Variants in ADGRL3 observed in about 807,000 individuals in gnomAD.
The protein encoded by ADGRL3 is calcium-independent alpha-latrotoxin receptor 3.
ADGRL3 carries 62 observed loss-of-function variants against 153.5 expected under a neutral mutation model. The observed-to-expected ratio is 0.40, with a 90% CI of 0.33 to 0.50. The LOEUF (loss-of-function observed/expected upper bound fraction) is 0.50, where lower values mean the gene tolerates loss of function less well. ADGRL3 is among the 20% of genes least tolerant of loss of function. ADGRL3 has a pLI of 0.47. For missense variants in ADGRL3, 1,641 were observed against 1,859.4 expected (o/e 0.88, Z 2.16); for synonymous variants, 710 against 672.5 (o/e 1.06, Z -0.86).
chr4:62,001,666 T>C (rs1581822488), intron 21 of ADGRL3, among the ~76,000 whole-genome samples: 1 of 152,304 alleles, frequency 6.6e-6, no homozygotes, highest in African/African-American at 2.4e-5. Flanking sequence ...AAATCTGGCA[T>C]GTTTTTAAAC....
At chr4:62,006,033 T>TATATATATATATA (rs1491468575) in intron 21 of ADGRL3, among the ~76,000 whole-genome samples, 2 of 43,724 alleles carry the variant, frequency 4.6e-5, no homozygotes, top group African/African-American at 1.5e-4. Flanking sequence ...TATATATATA[T>TATATATATATATA]TTTTTTTTTT....
At chr4:61,847,611 T>TTA (rs199671578) in intron 9 of ADGRL3, among the ~76,000 whole-genome samples, 57 of 55,136 alleles carry the variant, frequency 1.0e-3, no homozygotes, top group African/African-American at 5.1e-3. Context: ...ATATAATATA[T>TTA]TATATATATA....
intron 1 of ADGRL3, among the ~76,000 whole-genome samples, chr4:61,374,599 G>A (rs376672947): frequency 2.0e-5 from 3 of 152,006 alleles, no homozygotes; most frequent in South Asian, 2.1e-4. Context: ...AGCTTCATGC[G>A]ATGCACTACA....
At chr4:61,261,181 ATCT>A (rs76929618) in intron 1 of ADGRL3, among the ~76,000 whole-genome samples, 19,818 of 115,398 alleles carry the variant, frequency 0.17, 1,668 homozygotes, top group East Asian at 0.3. Context: ...GTTCTTTTTC[ATCT>A]TCTTCTTTTT....
At chr4:61,456,396 T>TAGATTAGTGTGA (rs2097744094) in intron 2 of ADGRL3, among the ~76,000 whole-genome samples, 1 of 108,414 alleles carries the variant, frequency 9.2e-6, no homozygotes, top group African/African-American at 3.4e-5. Flanking sequence ...TATAGATATA[T>TAGATTAGTGTGA]CTATATCTAT....
intron 2 of ADGRL3, among the ~76,000 whole-genome samples, chr4:61,493,544 A>C (rs2098279648): frequency 6.6e-6 from 1 of 152,214 alleles, no homozygotes; most frequent in African/African-American, 2.4e-5. Context: ...CAGAGTTAAC[A>C]ATAGCAATAC....
At chr4:61,675,602 A>G (rs928188919) in intron 5 of ADGRL3, among the ~76,000 whole-genome samples, 8 of 150,148 alleles carry the variant, frequency 5.3e-5, no homozygotes, top group African/African-American at 1.9e-4. Context: ...AAAAGTGCCC[A>G]AGTTTGTATT....
At chr4:62,037,948 A>G in intron 24 of ADGRL3, 92 bp downstream of exon 24, 1 of 1,430,246 alleles carries the variant, frequency 7.0e-7, no homozygotes, top group Non-Finnish European at 9.7e-7. Flanking sequence ...CCTGTGTTTA[A>G]CACATCGTTT....
intron 2 of ADGRL3, among the ~76,000 whole-genome samples, chr4:61,436,604 A>G (rs1018794506): frequency 3.0e-4 from 45 of 152,200 alleles, no homozygotes; most frequent in African/African-American, 1.0e-3. Flanking sequence ...CATAGAGGAA[A>G]GAAGTAAATA....
At chr4:61,765,881 A>G (rs1187894081) in intron 8 of ADGRL3, among the ~76,000 whole-genome samples, 3 of 152,230 alleles carry the variant, frequency 2.0e-5, no homozygotes, top group South Asian at 2.1e-4. Context: ...CAGATGGAAC[A>G]CTGAGCAGAA....
intron 1 of ADGRL3, among the ~76,000 whole-genome samples, chr4:61,213,051 A>G (rs1229104369): frequency 6.6e-6 from 1 of 152,140 alleles, no homozygotes; most frequent in Non-Finnish European, 1.5e-5. Context: ...TGAGATAACA[A>G]TGGTATGTGT....
chr4:61,600,834 T>TA (rs980794167), intron 5 of ADGRL3, among the ~76,000 whole-genome samples: 11 of 152,012 alleles, frequency 7.2e-5, no homozygotes, highest in African/African-American at 1.7e-4. Context: ...CTTCACGTTC[T>TA]AAAAAAAACA....
intron 1 of ADGRL3, among the ~76,000 whole-genome samples, chr4:61,276,231 C>G (rs1309816447): frequency 1.3e-5 from 2 of 152,134 alleles, no homozygotes; most frequent in Non-Finnish European, 2.9e-5. Flanking sequence ...AGGCTCTTTC[C>G]CCATCATTAC....
At chr4:61,993,107 C>T (rs1055992712) in intron 19 of ADGRL3, among the ~76,000 whole-genome samples, 2 of 149,770 alleles carry the variant, frequency 1.3e-5, no homozygotes, top group Admixed American at 6.7e-5. Context: ...ATTCTTAAAA[C>T]GTATTATTAC....
chr4:61,682,949 G>A (rs958593219), intron 6 of ADGRL3, among the ~76,000 whole-genome samples: 7 of 151,990 alleles, frequency 4.6e-5, no homozygotes, highest in African/African-American at 1.7e-4. Flanking sequence ...GTCAAGTGGG[G>A]CTTAGAGTCC....
chr4:62,058,645 T>G (rs886477026), intron 25 of ADGRL3, among the ~76,000 whole-genome samples: 1 of 152,104 alleles, frequency 6.6e-6, no homozygotes, highest in Non-Finnish European at 1.5e-5. Context: ...CCCCCAAAAT[T>G]CACCATCGTA....
Position 61,442,321 on chromosome 4 carries a change from A to G in ADGRL3, c.-173-54800A>G, listed in dbSNP as rs190640632. Among the ~76,000 whole-genome samples the G allele has an allele frequency of 4.1e-4, 62 of 152,324 alleles. 3 individuals carry two copies. In the East Asian group the frequency reaches 7.7e-3, roughly 19 times the overall value. On this transcript the variant is annotated intron_variant, in intron 2 of 26. Transcript: ENST00000683033. ...AGGAATGACTATGGTTTGCTGGAGGAAGGTGAGTGCAGCCAATGTGGCTAG... is the reference window on the plus strand; with the variant it reads ...AGGAATGACTATGGTTTGCTGGAGGGAGGTGAGTGCAGCCAATGTGGCTAG...
At chr4:61,257,836 GGTGTGTGTGT>G (rs10635406) in intron 1 of ADGRL3, among the ~76,000 whole-genome samples, 2 of 150,528 alleles carry the variant, frequency 1.3e-5, no homozygotes, top group South Asian at 2.1e-4. Flanking sequence ...TTGAATTAGA[GGTGTGTGTGT>G]GTGTGTGTGT....
At chr4:61,892,587 G>C in intron 9 of ADGRL3, 69 bp from the exon 10 acceptor site, 1 of 1,096,850 alleles carries the variant, frequency 9.1e-7, no homozygotes, top group Non-Finnish European at 1.4e-6. Flanking sequence ...AATTTCTAAA[G>C]TACTAGGACA....
Sources: allele counts gnomAD v4.1 joint callset (sites outside exome capture counted in the v4.1 genomes callset), GRCh38; gene constraint gnomAD v4.1.1; transcripts MANE v1.5; gene names NCBI Gene and HGNC (gene_info 2026-07-23, HGNC 2026-07-21).